Variants in WDR5 observed in about 807,000 individuals in gnomAD.
WDR5 encodes WD repeat-containing protein 5.
For synonymous variants in WDR5, 144 were observed against 161.6 expected, an observed-to-expected ratio of 0.89 and a Z score of 0.83; for missense variants, 187 against 416.9, an observed-to-expected ratio of 0.45 and a Z score of 4.80.
intron 10 of WDR5, 39 bp from the exon 11 acceptor site, chr9:134,155,301 C>T (rs1375170923): frequency 3.2e-6 from 5 of 1,562,178 alleles, no homozygotes; most frequent in Middle Eastern, 3.4e-4. Context: ...AGAAGGATGC[C>T]TCCAGACATG....
At position 134,155,680 on chromosome 9, in the gene WDR5, C is replaced by T. The variant is rs1245174290; in HGVS notation, c.742-13C>T. 2 of 1,613,834 alleles carry T rather than the reference C, an allele frequency of 1.2e-6. No homozygotes were observed. Among genetic ancestry groups the T allele is most frequent in the Non-Finnish European group, 1.7e-6 (2 of 1,179,806 alleles). ...CCATGACTCTGTGACCAGCCTGTCC[C>T]CTCCTGTTTCAGTGCCTGAAGACGT... is the stretch of plus-strand genomic sequence containing the variant. On this transcript the variant is annotated splice_polypyrimidine_tract_variant and intron_variant, in intron 11 of 13. Transcript: ENST00000358625.
intron 8 of WDR5, 129 bp from the exon 9 acceptor site, chr9:134,151,849 AAACAG>A: frequency 1.2e-6 from 1 of 859,484 alleles, no homozygotes; most frequent in Non-Finnish European, 1.8e-6. Flanking sequence ...AATGACTGTT[AAACAG>A]GTGAAGCATA....
rs567188233 is a variant in WDR5 at position 134,156,494 on chromosome 9, G to C, written c.817-12G>C. Reference sequence around the variant, plus strand: ...TTTCCTTGCCCTGTTTTCCCTGCTTGTTGTTACGTAGTGGATTGTGTCTGG... The same window carrying C: ...TTTCCTTGCCCTGTTTTCCCTGCTTCTTGTTACGTAGTGGATTGTGTCTGG... On this transcript the variant is annotated splice_polypyrimidine_tract_variant and intron_variant, in intron 12 of 13. Transcript: ENST00000358625. 21 of 1,613,802 alleles carry C rather than the reference G, an allele frequency of 1.3e-5. No homozygotes were observed. Among genetic ancestry groups the C allele is most frequent in the African/African-American group, 9.3e-5 (7 of 74,926 alleles).
intron 7 of WDR5, among the ~76,000 whole-genome samples, chr9:134,143,847 A>G (rs1461657525): frequency 6.7e-6 from 1 of 148,916 alleles, no homozygotes; most frequent in East Asian, 1.9e-4. Flanking sequence ...AAAAAAAATC[A>G]AGAACAAATG....
intron 7 of WDR5, among the ~76,000 whole-genome samples, chr9:134,147,844 A>T (rs1832281919): frequency 6.6e-6 from 1 of 150,468 alleles, no homozygotes. Context: ...AGATAGGGAG[A>T]CCCTGTTTCT....
Position 134,154,435 on chromosome 9 carries a change from G to A in WDR5, c.632-31G>A, listed in dbSNP as rs200319379. 5.5e-5 allele frequency: 89 copies of A among 1,612,854 alleles called. 6 individuals are homozygous for A. In the South Asian group the frequency reaches 7.5e-4, roughly 14 times the overall value. ...TGTCCCTGCCTGGCTGTCAGCGCCC[G>A]CCGTGTGTCACCTGTCCGTTTTTAT... On this transcript the variant is annotated intron_variant, in intron 9 of 13. Coordinates refer to ENST00000358625, the MANE Select transcript of WDR5 (RefSeq NM_017588.3).
Position 134,145,096 on chromosome 9 carries a change from GTTT to G in WDR5, c.528+2395_528+2397del, listed in dbSNP as rs56864188. The stretch of plus-strand genomic sequence containing the variant: ...ACTGCAGAGAGGTTTGTGGGGCTTT[GTTT>G]TTTTTTTTTTTTTTTTTGAAACAGA... On this transcript the variant is annotated intron_variant, in intron 7 of 13. Coordinates refer to ENST00000358625, the MANE Select transcript of WDR5 (RefSeq NM_017588.3). 1.3e-3 allele frequency among the ~76,000 whole-genome samples: 137 copies of G among 104,720 alleles called. 1 individual carries two copies. The highest frequency in any genetic ancestry group is 4.0e-3 in the African/African-American group (118 of 29,162). 68.7% of individuals were successfully genotyped at this position (104,720 alleles called of 152,430 possible). A position where few individuals can be genotyped will look rare whatever the true frequency, so the allele number is the denominator to read the frequency against.
chr9:134,136,691 G>T (rs1831578501), intron 1 of WDR5, among the ~76,000 whole-genome samples: 1 of 152,214 alleles, frequency 6.6e-6, no homozygotes, highest in African/African-American at 2.4e-5. Context: ...GTCCTGGGGT[G>T]CGGGTCCTCG....
intron 1 of WDR5, among the ~76,000 whole-genome samples, chr9:134,137,440 T>C (rs1831622433): frequency 6.6e-6 from 1 of 151,868 alleles, no homozygotes; most frequent in South Asian, 2.1e-4. Flanking sequence ...CCTAGCACTT[T>C]GGGAGGCTGA....
chr9:134,138,768 T>C (rs1464650044), intron 1 of WDR5, among the ~76,000 whole-genome samples: 1 of 152,172 alleles, frequency 6.6e-6, no homozygotes, highest in African/African-American at 2.4e-5. Flanking sequence ...TTCGCGTTAG[T>C]GTTACAATCA....
chr9:134,151,807 A>G (rs748967299), intron 8 of WDR5, among the ~76,000 whole-genome samples, 176 bp from the exon 9 acceptor site: 1 of 152,166 alleles, frequency 6.6e-6, no homozygotes, highest in Non-Finnish European at 1.5e-5. Flanking sequence ...TTGTATGGAC[A>G]GTGTTTAGTC....
chr9:134,143,369 C>T (rs1336228359), intron 7 of WDR5, among the ~76,000 whole-genome samples: 4 of 152,112 alleles, frequency 2.6e-5, no homozygotes, highest in Admixed American at 6.5e-5. Context: ...GGTGAAACCC[C>T]GTCTCTACTA....
chr9:134,149,317 C>T (rs1301297774), intron 8 of WDR5, among the ~76,000 whole-genome samples: 1 of 152,234 alleles, frequency 6.6e-6, no homozygotes, highest in Non-Finnish European at 1.5e-5. Flanking sequence ...AAGGTTCAAG[C>T]TGCGGTTGCA....
At chr9:134,141,706 T>C (rs1831897217) in intron 4 of WDR5, 123 bp downstream of exon 4, 4 of 1,076,304 alleles carry the variant, frequency 3.7e-6, no homozygotes, top group Non-Finnish European at 4.0e-6. Context: ...TTTTAATTTT[T>C]TTATAGTTAT....
intron 11 of WDR5, 135 bp from the exon 12 acceptor site, chr9:134,155,558 G>A (rs748244890): frequency 6.4e-6 from 8 of 1,249,196 alleles, no homozygotes; most frequent in East Asian, 4.7e-5. Context: ...TTAAATCTTC[G>A]ATTGTGTGGG....
intron 3 of WDR5, among the ~76,000 whole-genome samples, chr9:134,141,160 C>G (rs945047003): frequency 3.9e-5 from 6 of 152,186 alleles, no homozygotes; most frequent in African/African-American, 1.4e-4. Flanking sequence ...GTGGCACATG[C>G]CTGTAGTCCC....
chr9:134,143,889 C>T (rs963319779), intron 7 of WDR5, among the ~76,000 whole-genome samples: 2 of 151,898 alleles, frequency 1.3e-5, no homozygotes, highest in Admixed American at 6.6e-5. Flanking sequence ...TATCATAAAC[C>T]GCTCCATTTC....
At chr9:134,145,055 C>CTCTG (rs1302460032) in intron 7 of WDR5, among the ~76,000 whole-genome samples, 2 of 150,086 alleles carry the variant, frequency 1.3e-5, no homozygotes, top group African/African-American at 4.9e-5. Flanking sequence ...ACAGCTGCTG[C>CTCTG]TCTGTAGCTG....
intron 1 of WDR5, among the ~76,000 whole-genome samples, chr9:134,136,746 GACCTGTCCTGGCCGGTCT>G (rs1831582215): frequency 1.3e-5 from 2 of 152,174 alleles, no homozygotes; most frequent in Non-Finnish European, 2.9e-5. Context: ...CGGGGCCGCA[GACCTGTCCTGGCCGGTCT>G]GCGAGAGCCA....
Sources: gnomAD v4.1 joint callset for allele counts (sites outside exome capture counted in the v4.1 genomes callset) on GRCh38, gnomAD v4.1.1 for gene constraint, MANE v1.5 for transcripts, NCBI Gene and HGNC (gene_info 2026-07-23, HGNC 2026-07-21) for gene names.